Variants in FGF13 observed in about 807,000 individuals in gnomAD.
The protein encoded by FGF13 is fibroblast growth factor homologous factor 2.
In FGF13, 2 loss-of-function variants were observed where a neutral mutation model predicts 19.5. The ratio of observed to expected loss-of-function variants is 0.10; its 90% CI spans 0.04 to 0.32. FGF13 has a LOEUF of 0.32. Among genes scored for constraint, FGF13 ranks in the 10% least tolerant of loss-of-function variants. FGF13 has a pLI of 1.00. For synonymous variants in FGF13, 72 were observed against 76.9 expected, an observed-to-expected ratio of 0.94 and a Z score of 0.33; for missense variants, 113 against 192.7, an observed-to-expected ratio of 0.59 and a Z score of 2.45.
chrX:139,026,866 G>A (rs1185680118), intron 1 of FGF13, among the ~76,000 whole-genome samples: 5 of 111,822 alleles, frequency 4.5e-5, no homozygotes, highest in Non-Finnish European at 9.4e-5. Flanking sequence ...ACTGCCAAAC[G>A]CCAGCATAAA....
At chrX:138,984,509 GA>G (rs1569436011) in intron 1 of FGF13, among the ~76,000 whole-genome samples, 15 of 70,534 alleles carry the variant, frequency 2.1e-4, no homozygotes, top group Non-Finnish European at 2.9e-4. Context: ...AGGAGAAGAA[GA>G]GGAAGAAGAA....
At chrX:138,794,306 AT>A (rs1268689658) in intron 3 of FGF13, among the ~76,000 whole-genome samples, 1 of 111,728 alleles carries the variant, frequency 9.0e-6, no homozygotes, top group African/African-American at 3.3e-5. Context: ...TAAGGATTAA[AT>A]TTTTTTAATG....
intron 3 of FGF13, among the ~76,000 whole-genome samples, chrX:138,690,035 G>A (rs986095861): frequency 9.0e-6 from 1 of 111,643 alleles, no homozygotes; most frequent in African/African-American, 3.3e-5. Flanking sequence ...TGGCCAGGTC[G>A]CTTCCCTTAC....
chrX:138,830,284 T>C (rs764758494), intron 3 of FGF13, among the ~76,000 whole-genome samples: 2 of 111,575 alleles, frequency 1.8e-5, no homozygotes, highest in Non-Finnish European at 3.8e-5. Context: ...ATAGGAGAAG[T>C]TCAAATCTTC....
intron 1 of FGF13, among the ~76,000 whole-genome samples, chrX:139,147,323 T>C (rs1463911681): frequency 9.1e-6 from 1 of 109,868 alleles, no homozygotes; most frequent in African/African-American, 3.3e-5. Context: ...CCGTGTTCCA[T>C]CTCCCCACCA....
Position 138,941,324 on chromosome X carries a change from C to T in FGF13, c.-112-76674G>A, listed in dbSNP as rs147670258. Among the ~76,000 whole-genome samples the T allele has an allele frequency of 8.0e-3, 891 of 111,885 alleles. 6 individuals are homozygous for T. Among genetic ancestry groups the T allele is most frequent in the Non-Finnish European group, 0.011 (590 of 53,162 alleles). The stretch of plus-strand genomic sequence containing the variant: ...TACCTATAAAACCCCACAGTTTCTG[C>T]CTAAAAGCACCTTGATCTGATAAAC... On this transcript the variant is annotated intron_variant, in intron 1 of 2. Transcript: ENST00000421460.
At chrX:139,076,466 C>A (rs2083333343) in intron 1 of FGF13, among the ~76,000 whole-genome samples, 1 of 111,707 alleles carries the variant, frequency 9.0e-6, no homozygotes, top group Non-Finnish European at 1.9e-5. Flanking sequence ...CACACACACA[C>A]ACAAAACAGG....
chrX:139,017,299 G>A (rs1007189158), intron 1 of FGF13, among the ~76,000 whole-genome samples: 3 of 102,014 alleles, frequency 2.9e-5, no homozygotes, highest in African/African-American at 7.2e-5. Context: ...TTCCAATGGC[G>A]ATGAATAGAT....
intron 1 of FGF13, among the ~76,000 whole-genome samples, chrX:138,972,036 T>G (rs1444714111): frequency 2.1e-5 from 2 of 95,077 alleles, no homozygotes; most frequent in Non-Finnish European, 4.3e-5. Context: ...TTTATCTTTT[T>G]ATGGCTCACT....
chrX:139,118,677 C>T (rs2083656639), intron 1 of FGF13, among the ~76,000 whole-genome samples: 1 of 111,252 alleles, frequency 9.0e-6, no homozygotes. Flanking sequence ...CCTCAGAAAC[C>T]TGTTAAAGGA....
intron 1 of FGF13, among the ~76,000 whole-genome samples, chrX:139,005,296 C>T (rs1363933039): frequency 1.9e-5 from 2 of 102,882 alleles, no homozygotes; most frequent in Non-Finnish European, 3.9e-5. Flanking sequence ...TTTAATAATC[C>T]AAGGAATTAT....
At chrX:138,911,486 G>A (rs143652551) in intron 1 of FGF13, among the ~76,000 whole-genome samples, 1,353 of 110,588 alleles carry the variant, frequency 0.012, 31 homozygotes, top group African/African-American at 0.042. Context: ...GAGGCAGGGA[G>A]AAGATTAGGA....
At chrX:139,096,585 A>C (rs1436024996) in intron 1 of FGF13, among the ~76,000 whole-genome samples, 1 of 111,921 alleles carries the variant, frequency 8.9e-6, no homozygotes, top group Non-Finnish European at 1.9e-5. Context: ...GAGGAAGATA[A>C]TTATATGACT....
At chrX:139,015,421 C>G (rs1484550128) in intron 1 of FGF13, among the ~76,000 whole-genome samples, 1 of 110,415 alleles carries the variant, frequency 9.1e-6, no homozygotes, top group African/African-American at 3.3e-5. Context: ...TTCTATATGC[C>G]AACAGCAAAC....
At chrX:138,970,337 A>G (rs1344000934) in intron 1 of FGF13, among the ~76,000 whole-genome samples, 1 of 111,406 alleles carries the variant, frequency 9.0e-6, no homozygotes, top group Non-Finnish European at 1.9e-5. Context: ...TTTTACAGTG[A>G]GTCACGCAGC....
chrX:139,072,093 C>T (rs2092378758), intron 1 of FGF13, among the ~76,000 whole-genome samples: 1 of 109,139 alleles, frequency 9.2e-6, no homozygotes, highest in South Asian at 4.0e-4. Flanking sequence ...AATTGTGCCC[C>T]CTCCCCAAAA....
At position 138,978,463 on chromosome X, in the gene FGF13, C is replaced by T. The variant is rs772465599; in HGVS notation, c.-112-113813G>A. Among the ~76,000 whole-genome samples, 5 of 110,339 alleles carry T rather than the reference C, an allele frequency of 4.5e-5. No homozygotes were observed. In the East Asian group the frequency reaches 1.2e-3, roughly 25 times the overall value. ...ATTTTTAGTAGAGACGGGGTTTCAC[C>T]GTGTTAGCCAAGATGGTCTCGATCT... On this transcript the variant is annotated intron_variant, in intron 1 of 2. Coordinates refer to the FGF13 transcript ENST00000421460.
intron 3 of FGF13, among the ~76,000 whole-genome samples, chrX:138,846,436 C>T (rs1375767429): frequency 4.5e-5 from 5 of 111,727 alleles, no homozygotes; most frequent in Non-Finnish European, 9.4e-5. Flanking sequence ...TGTGCTCATG[C>T]ACGGAAAGAG....
intron 1 of FGF13, among the ~76,000 whole-genome samples, chrX:139,123,622 C>T (rs2083693686): frequency 1.8e-5 from 2 of 112,087 alleles, no homozygotes. Context: ...GCACTTATCA[C>T]AACTTGGTAT....
Sources: gnomAD v4.1 joint callset for allele counts (sites outside exome capture counted in the v4.1 genomes callset) on GRCh38, gnomAD v4.1.1 for gene constraint, MANE v1.5 for transcripts, NCBI Gene and HGNC (gene_info 2026-07-23, HGNC 2026-07-21) for gene names.